TRMT11: variants seen among roughly 807,000 people sequenced by gnomAD.
TRMT11 encodes the protein tRNA methyltransferase 11, also known as tRNA (guanine(10)-N(2))-methyltransferase TRMT11.
A neutral mutation model predicts 62.8 loss-of-function variants in TRMT11; 53 were observed. The ratio of observed to expected loss-of-function variants is 0.84; its 90% CI spans 0.68 to 1.06. The LOEUF (loss-of-function observed/expected upper bound fraction) is 1.06, where lower values mean the gene tolerates loss of function less well. TRMT11 is among the 50% of genes least tolerant of loss of function. TRMT11 has a pLI of 0.00. For missense variants in TRMT11, 556 were observed against 553.4 expected, an observed-to-expected ratio of 1.00 and a Z score of -0.05; for synonymous variants, 188 against 190.3, an observed-to-expected ratio of 0.99 and a Z score of 0.10.
chr6:126,054,863 G>A (rs1776323288), intron 17 of TRMT11, among the ~76,000 whole-genome samples: 1 of 152,178 alleles, frequency 6.6e-6, no homozygotes, highest in South Asian at 2.1e-4. Context: ...GGTGCTCCCT[G>A]AAAGAAAACA....
At chr6:126,227,363 C>G in the TRMT11 span, among the ~76,000 whole-genome samples, 1 of 152,078 alleles carries the variant, frequency 6.6e-6, no homozygotes, top group Non-Finnish European at 1.5e-5. Context: ...CTTGGTATTC[C>G]AGGATTCGAG....
the TRMT11 span, among the ~76,000 whole-genome samples, chr6:126,235,428 C>G: frequency 9.9e-5 from 15 of 152,254 alleles, no homozygotes; most frequent in African/African-American, 3.6e-4. Context: ...GCACTATTCA[C>G]AATAACAAAG....
chr6:126,115,366 G>T (rs928722967), exon 20 of TRMT11, among the ~76,000 whole-genome samples: 2 of 152,128 alleles, frequency 1.3e-5, no homozygotes, highest in Non-Finnish European at 2.9e-5. Context: ...AACCAATGAA[G>T]TCAGAATCTC....
At chr6:126,226,114 G>A in the TRMT11 span, among the ~76,000 whole-genome samples, 2 of 152,088 alleles carry the variant, frequency 1.3e-5, no homozygotes, top group East Asian at 3.9e-4. Context: ...GGGCTTTTAT[G>A]AAAATAAAAC....
intron 12 of TRMT11, among the ~76,000 whole-genome samples, chr6:126,033,140 C>G (rs1384082326): frequency 3.3e-5 from 5 of 152,204 alleles, no homozygotes; most frequent in African/African-American, 1.2e-4. Context: ...TGGGAGAAGG[C>G]AGTAATTAGG....
the TRMT11 span, among the ~76,000 whole-genome samples, chr6:126,231,600 A>G: frequency 6.6e-6 from 1 of 152,190 alleles, no homozygotes; most frequent in South Asian, 2.1e-4. Flanking sequence ...CTAACCTTAC[A>G]TCCTTCAAGA....
Position 125,998,326 on chromosome 6 carries a change from T to A in TRMT11, c.387+11T>A. ...ATCAAGCGAATAGATGTAAGTAAAT[T>A]TAGCAAAACAAAAAACCTACATGAT... On this transcript the variant is annotated intron_variant, in intron 5 of 12. Transcript: ENST00000334379. 6.4e-7 allele frequency: 1 copy of A among 1,551,998 alleles called. No individual in the cohort carries two copies. The highest frequency in any genetic ancestry group is 1.8e-5 in the Admixed American group (1 of 56,706).
upstream of TRMT11, among the ~76,000 whole-genome samples, chr6:126,173,761 G>A (rs930057255): frequency 2.0e-5 from 3 of 152,168 alleles, no homozygotes; most frequent in Non-Finnish European, 1.5e-5. Flanking sequence ...GTGAAGTGAA[G>A]AATTCTTTTT....
At chr6:126,068,363 T>C (rs1203642173) in intron 17 of TRMT11, among the ~76,000 whole-genome samples, 1 of 152,204 alleles carries the variant, frequency 6.6e-6, no homozygotes, top group Non-Finnish European at 1.5e-5. Flanking sequence ...TTGACTCAGG[T>C]CGTGAAGTTA....
chr6:126,047,107 C>CT (rs1776082759), intron 16 of TRMT11, among the ~76,000 whole-genome samples: 1 of 151,892 alleles, frequency 6.6e-6, no homozygotes, highest in South Asian at 2.1e-4. Flanking sequence ...TGAAAAACAA[C>CT]TAAGTATTAG....
rs967903379 is a variant in TRMT11 at position 126,008,471 on chromosome 6, G to A, written c.759G>A (p.Leu253=). The change falls in exon 8 of 13, where the codon TTG becomes TTA. Residue 253 remains leucine, a splice_region_variant and synonymous_variant. Coordinates refer to ENST00000334379, the MANE Select transcript of TRMT11 (RefSeq NM_001031712.3). ...TDIDYNTVHG[L]GKATRKNQKW... is the part of the protein sequence containing the mutation. ...TAGACTACAACACAGTTCATGGCTT[G>A]GGTGAGTAGAGATTATAGACAGTAT... 5.6e-6 allele frequency: 9 copies of A among 1,611,648 alleles called. No homozygotes were observed. The African/African-American group carries it at 1.1e-4, about 19-fold the overall frequency.
At chr6:126,210,504 T>C in the TRMT11 span, among the ~76,000 whole-genome samples, 1 of 152,196 alleles carries the variant, frequency 6.6e-6, no homozygotes, top group African/African-American at 2.4e-5. Flanking sequence ...TCCTGACCCA[T>C]GGAAATTGAT....
chr6:126,205,402 G>A (rs903346908), downstream of TRMT11, among the ~76,000 whole-genome samples: 3 of 152,174 alleles, frequency 2.0e-5, no homozygotes, highest in Admixed American at 1.3e-4. Context: ...TACTCAGGAG[G>A]CTGAGGCAGG....
intron 1 of TRMT11, among the ~76,000 whole-genome samples, chr6:126,184,866 C>G (rs1003769187): frequency 6.6e-6 from 1 of 152,164 alleles, no homozygotes; most frequent in South Asian, 2.1e-4. Flanking sequence ...TCAGAGGCAG[C>G]CTGACAAAGA....
intron 9 of TRMT11, 63 bp downstream of exon 9, chr6:126,011,480 A>C: frequency 6.9e-7 from 1 of 1,443,658 alleles, no homozygotes. Flanking sequence ...TTACATTTAA[A>C]GTACAAAATT....
the TRMT11 span, among the ~76,000 whole-genome samples, chr6:126,220,705 C>A: frequency 1.3e-5 from 2 of 152,040 alleles, no homozygotes; most frequent in African/African-American, 4.8e-5. Context: ...TTGGTCAAGT[C>A]TACATAGTCA....
At chr6:126,266,630 C>A in the TRMT11 span, among the ~76,000 whole-genome samples, 1 of 152,038 alleles carries the variant, frequency 6.6e-6, no homozygotes. Flanking sequence ...GTCTTCTAAG[C>A]GATAACACAA....
chr6:126,171,772 G>A (rs547913240), intron 21 of TRMT11, among the ~76,000 whole-genome samples: 16 of 152,262 alleles, frequency 1.1e-4, no homozygotes, highest in East Asian at 1.9e-4. Flanking sequence ...AGGCTGGAGT[G>A]CAATGGTGTG....
chr6:126,151,728 CTCCCTTCCATCCT>C lies in TRMT11; in HGVS notation c.*1824-23093_*1824-23081del, dbSNP rs896558101. 2.0e-4 allele frequency among the ~76,000 whole-genome samples: 30 copies of C among 151,628 alleles called. No individual in the cohort carries two copies. The South Asian group carries it at 5.6e-3, about 28-fold the overall frequency. On this transcript the variant is annotated intron_variant and NMD_transcript_variant, in intron 21 of 22. Transcript: ENST00000648977. ...CCCTTCTCTTTCCCTCCTTCCCTCC[CTCCCTTCCATCCT>C]TCCTTCCCTTTCCTTCCTTCCTTCC... is the stretch of plus-strand genomic sequence containing the variant.
Sources: allele counts gnomAD v4.1 joint callset (sites outside exome capture counted in the v4.1 genomes callset), GRCh38; gene constraint gnomAD v4.1.1; transcripts MANE v1.5; gene names NCBI Gene and HGNC (gene_info 2026-07-23, HGNC 2026-07-21).